BHMT2: variants seen among roughly 807,000 people sequenced by gnomAD.
BHMT2 encodes S-methylmethionine--homocysteine S-methyltransferase BHMT2.
In BHMT2, 28 loss-of-function variants were observed where a neutral mutation model predicts 39.0. The ratio of observed to expected loss-of-function variants is 0.72; its 90% CI spans 0.53 to 0.98. BHMT2 has a LOEUF of 0.98. Ranked by LOEUF, BHMT2 falls within the 50% of genes least tolerant of loss-of-function variation. The pLI, the probability that BHMT2 is intolerant of heterozygous loss-of-function variation, is 0.00. For missense variants in BHMT2, 410 were observed against 455.6 expected, an observed-to-expected ratio of 0.90 and a Z score of 0.91; for synonymous variants, 145 against 160.6, an observed-to-expected ratio of 0.90 and a Z score of 0.74.
intron 2 of BHMT2, among the ~76,000 whole-genome samples, chr5:79,078,627 A>G (rs1045991126): frequency 2.0e-5 from 3 of 152,352 alleles, no homozygotes; most frequent in Non-Finnish European, 2.9e-5. Flanking sequence ...AGGACTCACA[A>G]GTTAACCCGT....
intron 7 of BHMT2, among the ~76,000 whole-genome samples, chr5:79,084,445 T>C (rs1755856285): frequency 6.6e-6 from 1 of 152,134 alleles, no homozygotes; most frequent in African/African-American, 2.4e-5. Flanking sequence ...GGCTAATTTT[T>C]GTATTTTTAG....
chr5:79,083,339 AAG>A lies in BHMT2; in HGVS notation c.749_750del (p.Glu250GlyfsTer44). On this transcript the variant is annotated frameshift_variant, in exon 6 of 8. Transcript: ENST00000255192. LOFTEE classifies it high-confidence loss of function. ...GGGTTCCACGCGCCTGACTGTGGCA[AAG>A]AGGGGTTTGTGGATCTCCCAGAATA... is the stretch of plus-strand genomic sequence containing the variant. The A allele has an allele frequency of 6.2e-7, 1 of 1,608,198 alleles. No individual in the cohort carries two copies. The highest frequency in any genetic ancestry group is 8.5e-7 in the Non-Finnish European group (1 of 1,176,248).
intron 1 of BHMT2, among the ~76,000 whole-genome samples, chr5:79,070,507 G>T (rs1755543917): frequency 6.6e-6 from 1 of 152,076 alleles, no homozygotes; most frequent in African/African-American, 2.4e-5. Flanking sequence ...GTGGGATGAA[G>T]GAGTGACTAA....
chr5:79,084,253 G>C (rs1438297745), intron 7 of BHMT2, among the ~76,000 whole-genome samples: 1 of 151,876 alleles, frequency 6.6e-6, no homozygotes, highest in Non-Finnish European at 1.5e-5. Context: ...GCTCCCTGGG[G>C]CCTCTTGTCT....
chr5:79,077,977 A>T (rs962286855), intron 2 of BHMT2: 4 of 161,438 alleles, frequency 2.5e-5, no homozygotes, highest in Non-Finnish European at 4.0e-5. Flanking sequence ...ACACACACAC[A>T]CTCTCATACA....
In BHMT2 at chr5:79,080,707, T is replaced by TC; in HGVS notation, c.279_280insC (p.Ala94ArgfsTer3). ...CTCAGTGGGAAGATGTAAATGCTGCTGCCTGTGACCTCGCCAGGGAAGTGG... is the reference window on the plus strand; with the variant it reads ...CTCAGTGGGAAGATGTAAATGCTGCTCGCCTGTGACCTCGCCAGGGAAGTGG... On this transcript the variant is annotated frameshift_variant, in exon 4 of 8. Coordinates refer to ENST00000255192, the MANE Select transcript of BHMT2 (RefSeq NM_017614.5). LOFTEE classifies it high-confidence loss of function. 6.3e-7 allele frequency: 1 copy of TC among 1,594,924 alleles called. No homozygotes were observed. Among genetic ancestry groups the TC allele is most frequent in the African/African-American group, 1.4e-5 (1 of 73,524 alleles).
At chr5:79,075,693 G>A (rs1755659185) in intron 1 of BHMT2, among the ~76,000 whole-genome samples, 2 of 152,170 alleles carry the variant, frequency 1.3e-5, no homozygotes, top group African/African-American at 4.8e-5. Context: ...TCTCTGAAAA[G>A]GTGACACTTG....
chr5:79,075,538 T>C (rs1755656567), intron 1 of BHMT2, among the ~76,000 whole-genome samples: 2 of 152,162 alleles, frequency 1.3e-5, no homozygotes, highest in Admixed American at 6.5e-5. Flanking sequence ...CATTGCTTTG[T>C]GTCCAGCTAT....
At chr5:79,087,012 G>A (rs5012505) in intron 7 of BHMT2, among the ~76,000 whole-genome samples, 46,523 of 104,496 alleles carry the variant, frequency 0.45, 10,169 homozygotes, top group East Asian at 0.54. Flanking sequence ...GTGTGTGTGT[G>A]TGTATATATA....
At chr5:79,087,910 T>C (rs140212094) in intron 7 of BHMT2, among the ~76,000 whole-genome samples, 98 of 152,356 alleles carry the variant, frequency 6.4e-4, no homozygotes, top group Non-Finnish European at 1.2e-3. Flanking sequence ...CTGGGCATGG[T>C]GGCTTACACC....
chr5:79,085,626 G>A (rs1755879563), intron 7 of BHMT2, among the ~76,000 whole-genome samples: 1 of 152,208 alleles, frequency 6.6e-6, no homozygotes, highest in Non-Finnish European at 1.5e-5. Flanking sequence ...AGGTTGCAGT[G>A]AGCCAAGATT....
At chr5:79,088,398 GGT>G in intron 7 of BHMT2, 93 bp from the exon 8 acceptor site, 1 of 609,752 alleles carries the variant, frequency 1.6e-6, no homozygotes, top group Admixed American at 2.7e-5. Context: ...GTGTGTGTGT[GGT>G]TATATACATA....
intron 4 of BHMT2, 116 bp downstream of exon 4, chr5:79,080,994 G>A (rs1755777559): frequency 3.0e-6 from 3 of 983,976 alleles, no homozygotes; most frequent in Non-Finnish European, 4.4e-6. Context: ...CCATGTGGAT[G>A]GTCAAAGGTT....
rs561420019 is a variant in BHMT2 at position 79,071,506 on chromosome 5, A to G, written c.33+1691A>G. Reference sequence around the variant, plus strand: ...AGATGCAAGGCAGGTTCACTGCCAAACTGATGGGGAGGAGGGAATGAAAAT... The same window carrying G: ...AGATGCAAGGCAGGTTCACTGCCAAGCTGATGGGGAGGAGGGAATGAAAAT... On this transcript the variant is annotated intron_variant, in intron 1 of 7. Transcript: ENST00000255192. Among the ~76,000 whole-genome samples the G allele has an allele frequency of 8.5e-5, 13 of 152,368 alleles. 1 individual carries two copies. Among genetic ancestry groups the G allele is most frequent in the African/African-American group, 3.1e-4 (13 of 41,590 alleles).
intron 2 of BHMT2, chr5:79,077,900 A>G: frequency 4.2e-6 from 1 of 237,862 alleles, no homozygotes; most frequent in East Asian, 8.8e-5. Context: ...CCACATCCAC[A>G]CACACCCCAC....
chr5:79,077,509 G>A lies in BHMT2; in HGVS notation c.63G>A (p.Glu21=). The change falls in exon 2 of 8, where the codon GAG becomes GAA. Residue 21 remains glutamate (E), a synonymous_variant. Coordinates refer to ENST00000255192, the MANE Select transcript of BHMT2 (RefSeq NM_017614.5). ...TTTTGGAGCGCCTGGAGAGTGGGGA[G>A]GTTGTGATTGGAGATGGCAGCTTTC... ...KGILERLESG[E]VVIGDGSFLI... The A allele has an allele frequency of 6.2e-7, 1 of 1,613,798 alleles. No individual in the cohort carries two copies. Among genetic ancestry groups the A allele is most frequent in the Non-Finnish European group, 8.5e-7 (1 of 1,179,906 alleles).
At chr5:79,082,062 CT>C (rs1755799130) in intron 4 of BHMT2, among the ~76,000 whole-genome samples, 2 of 152,194 alleles carry the variant, frequency 1.3e-5, no homozygotes, top group Admixed American at 6.5e-5. Flanking sequence ...AAGAACCCGT[CT>C]TTTGATTCTC....
At chr5:79,079,344 T>C (rs1755737633) in intron 2 of BHMT2, 25 bp from the exon 3 acceptor site, 2 of 1,519,442 alleles carry the variant, frequency 1.3e-6, no homozygotes, top group Admixed American at 1.8e-5. Context: ...TTTATTTCAA[T>C]GTTTAAAACC....
chr5:79,077,560 T>C lies in BHMT2; in HGVS notation c.114T>C (p.Tyr38=), dbSNP rs774818578. 4.6e-5 allele frequency: 75 copies of C among 1,613,894 alleles called. No homozygotes were observed. The South Asian group carries it at 7.2e-4, about 16-fold the overall frequency. ...SFLITLEKRG[Y]VKAGLWTPEA... ...TCATTACTCTGGAGAAGAGAGGCTA[T>C]GTGAAGGCTGGGCTCTGGACTCCAG... The change falls in exon 2 of 8, where the codon TAT becomes TAC. Residue 38 remains tyrosine, a synonymous_variant. Transcript: ENST00000255192.
Sources: allele counts gnomAD v4.1 joint callset (sites outside exome capture counted in the v4.1 genomes callset), GRCh38; gene constraint gnomAD v4.1.1; transcripts MANE v1.5; gene names NCBI Gene and HGNC (gene_info 2026-07-23, HGNC 2026-07-21).